The following SEZ6 variants were observed in gnomAD, a reference collection of about 807,000 sequenced individuals.
SEZ6 encodes the protein seizure related 6 homolog.
In SEZ6, 53 loss-of-function variants were observed where a neutral mutation model predicts 101.0. That is an observed-to-expected ratio of 0.52 (90% CI 0.42 to 0.66). SEZ6 has a LOEUF of 0.66. Among genes scored for constraint, SEZ6 ranks in the 30% least tolerant of loss-of-function variants. SEZ6 has a pLI of 0.00. For synonymous variants in SEZ6, 488 were observed against 512.2 expected (o/e 0.95, Z 0.64); for missense variants, 1,102 against 1,289.4 (o/e 0.85, Z 2.23).
At chr17:28,977,316 C>T (rs2041233823) in intron 3 of SEZ6, among the ~76,000 whole-genome samples, 1 of 152,240 alleles carries the variant, frequency 6.6e-6, no homozygotes, top group Non-Finnish European at 1.5e-5. Flanking sequence ...TGGGTGCTGA[C>T]CCCGCTCTGG....
intron 1 of SEZ6, among the ~76,000 whole-genome samples, chr17:29,001,221 G>A (rs1031260718): frequency 4.6e-5 from 7 of 152,300 alleles, no homozygotes; most frequent in Non-Finnish European, 7.4e-5. Context: ...CCATAGGCCC[G>A]CCTCCCCTTT....
chr17:29,000,275 T>C (rs969150579), intron 1 of SEZ6, among the ~76,000 whole-genome samples: 1 of 152,222 alleles, frequency 6.6e-6, no homozygotes, highest in African/African-American at 2.4e-5. Flanking sequence ...CCAGGTTTTG[T>C]GAAATGGGCA....
chr17:28,992,547 C>A (rs769128528), intron 1 of SEZ6, among the ~76,000 whole-genome samples: 1 of 152,220 alleles, frequency 6.6e-6, no homozygotes, highest in East Asian at 1.9e-4. Flanking sequence ...GGCCCTACCC[C>A]CCAAAAGAAG....
At chr17:28,975,617 T>G (rs1322890914) in intron 3 of SEZ6, among the ~76,000 whole-genome samples, 2 of 152,182 alleles carry the variant, frequency 1.3e-5, no homozygotes, top group Admixed American at 1.3e-4. Context: ...CACCCTGTCA[T>G]CCCTCTTGGA....
At position 28,955,049 on chromosome 17, in the gene SEZ6, C is replaced by G. The variant is rs35286200; in HGVS notation, c.*913G>C. 1 of 152,528 alleles carries G rather than the reference C, an allele frequency of 6.6e-6. No individual in the cohort carries two copies. Among genetic ancestry groups the G allele is most frequent in the African/African-American group, 2.4e-5 (1 of 41,352 alleles). 9.4% of individuals were successfully genotyped at this position (152,528 alleles called of 1,614,324 possible). A position where few individuals can be genotyped will look rare whatever the true frequency, so the allele number is the denominator to read the frequency against. ...TGGCTTTCAGCCAGCTCCTGGGCGTCTCCCTGGGGCTCTCCTACCACCTGT... is the reference window on the plus strand; with the variant it reads ...TGGCTTTCAGCCAGCTCCTGGGCGTGTCCCTGGGGCTCTCCTACCACCTGT... On this transcript the variant is annotated 3_prime_UTR_variant, in exon 17 of 17. Coordinates refer to ENST00000317338, the MANE Select transcript of SEZ6 (RefSeq NM_178860.5).
At position 28,969,806 on chromosome 17, in the gene SEZ6, C is replaced by T; in HGVS notation, c.1005G>A (p.Gln335=). ...SPTHQAALRF[Q]SLPPPAGPGT... The stretch of plus-strand genomic sequence containing the variant: ...CAGGGCCAGCCGGTGGCGGGAGGCT[C>T]TGGAACCTCAGGGCCGCTTGGTGGG... Residue 335 remains glutamine (Q), a synonymous_variant, in exon 4 of 17, where the codon CAG becomes CAA. Coordinates refer to ENST00000317338, the MANE Select transcript of SEZ6 (RefSeq NM_178860.5). 6.6e-7 allele frequency: 1 copy of T among 1,516,330 alleles called. No individual in the cohort carries two copies. The highest frequency in any genetic ancestry group is 1.3e-5 in the South Asian group (1 of 75,624). The allele number at this position is 1,516,330 out of a possible 1,614,324, so 93.9% of individuals were successfully genotyped here.
At position 28,981,620 on chromosome 17, in the gene SEZ6, G is replaced by A; in HGVS notation, c.475C>T (p.Pro159Ser). Residue 159 changes from proline to serine, a missense_variant, in exon 2 of 17, where the codon CCC (proline) becomes TCC (serine). Physicochemically the swap from Pro to Ser is moderately conservative, Grantham distance 74. This residue lies in a region of SEZ6 where 406 missense variants were observed against 418.6 expected (regional missense o/e 0.97). Coordinates refer to ENST00000317338, the MANE Select transcript of SEZ6 (RefSeq NM_178860.5). ...LRITAPLPPG[P>S]SMAVPTLGPG... The stretch of plus-strand genomic sequence containing the variant: ...CCTAGGGTGGGCACTGCCATGCTGG[G>A]CCCTGGAGGTAGGGGAGCTGTGATT... 1 of 1,592,108 alleles carries A rather than the reference G, an allele frequency of 6.3e-7. No individual in the cohort carries two copies. The highest frequency in any genetic ancestry group is 1.3e-5 in the African/African-American group (1 of 74,510).
chr17:28,959,133 T>C lies in SEZ6; in HGVS notation c.1999A>G (p.Ser667Gly). 6.2e-7 allele frequency: 1 copy of C among 1,613,922 alleles called. No individual in the cohort carries two copies. Among genetic ancestry groups the C allele is most frequent in the Non-Finnish European group, 8.5e-7 (1 of 1,179,852 alleles). ...ATGGAGGTAAAGAGCTTGAAGTGGC[T>C]ACGGGGCCCTGAGTACTGGCCCAGA... ...RVLGQYSGPRSHFKLFTSMAD... is the reference protein window; with the variant it reads ...RVLGQYSGPRGHFKLFTSMAD... Residue 667 changes from serine to glycine, a missense_variant, in exon 10 of 17, where the codon AGC becomes GGC. By Grantham distance (56) the Ser-to-Gly change is moderately conservative. Transcript: ENST00000317338. This position sits in a 1 kb window ranked among gnomAD's most constrained non-coding sequence, Gnocchi z 4.4.
rs372762794 is a variant in SEZ6, at chr17:28,970,073, C to T, written c.859-121G>A. On this transcript the variant is annotated intron_variant, in intron 3 of 16. Coordinates refer to ENST00000317338, the MANE Select transcript of SEZ6 (RefSeq NM_178860.5). ...TCAATCCTCAATGCTACTTGAGCATCGGAGCCCCCAGGCCCTGAGCTGGGC... is the reference window on the plus strand; with the variant it reads ...TCAATCCTCAATGCTACTTGAGCATTGGAGCCCCCAGGCCCTGAGCTGGGC... 403 of 890,988 alleles carry T rather than the reference C, an allele frequency of 4.5e-4. 2 individuals are homozygous for T. The African/African-American group carries it at 6.6e-3, about 15-fold the overall frequency. 55.2% of individuals were successfully genotyped at this position (890,988 alleles called of 1,614,324 possible). A position where few individuals can be genotyped will look rare whatever the true frequency, so the allele number is the denominator to read the frequency against.
At chr17:29,003,530 G>A (rs565922502) in intron 1 of SEZ6, among the ~76,000 whole-genome samples, 81 of 152,392 alleles carry the variant, frequency 5.3e-4, no homozygotes, top group Non-Finnish European at 8.7e-4. Flanking sequence ...CTGAAAGGCT[G>A]AGGGATGCAC....
chr17:28,960,281 C>T (rs2040954705), intron 7 of SEZ6: 1 of 634,654 alleles, frequency 1.6e-6, no homozygotes, highest in Admixed American at 2.9e-5. Flanking sequence ...TCCCTTGGAC[C>T]ATAGGGCCTG....
chr17:29,005,721 G>C lies in SEZ6; in HGVS notation c.55+94C>G. 7.6e-7 allele frequency: 1 copy of C among 1,308,988 alleles called. No individual in the cohort carries two copies. The highest frequency in any genetic ancestry group is 1.0e-6 in the Non-Finnish European group (1 of 982,716). The allele number at this position is 1,308,988 out of a possible 1,614,324, so 81.1% of individuals were successfully genotyped here. On this transcript the variant is annotated intron_variant, in intron 1 of 16. Transcript: ENST00000317338. The surrounding 1 kb of genome is among the most constrained non-coding windows in gnomAD (Gnocchi z 4.8). ...CGGGGCGCGGTGCTTGGACTGGGCA[G>C]CCAGATGCCCGAAGCTGGGCACCGG...
chr17:28,972,802 A>T (rs916763490), intron 3 of SEZ6, among the ~76,000 whole-genome samples: 1 of 152,212 alleles, frequency 6.6e-6, no homozygotes, highest in Non-Finnish European at 1.5e-5. Flanking sequence ...GAATGCAGGC[A>T]GCAGGAATCC....
intron 3 of SEZ6, among the ~76,000 whole-genome samples, chr17:28,972,420 G>T (rs1221278021): frequency 6.6e-6 from 1 of 152,172 alleles, no homozygotes; most frequent in African/African-American, 2.4e-5. Flanking sequence ...CCCTCAGACT[G>T]GGTGCTGAGA....
In SEZ6 at chr17:28,959,614, C is replaced by T. The variant is rs912655729; in HGVS notation, c.1771+84G>A. Reference sequence around the variant, plus strand: ...GCCTGAACCACGCATATCACAGGGCCCCTGTGGCCCCGGGCTCTGCTGCTA... The same window carrying T: ...GCCTGAACCACGCATATCACAGGGCTCCTGTGGCCCCGGGCTCTGCTGCTA... On this transcript the variant is annotated intron_variant, in intron 8 of 16. Transcript: ENST00000317338. This position sits in a 1 kb window ranked among gnomAD's most constrained non-coding sequence, Gnocchi z 4.4. 9.1e-6 allele frequency: 14 copies of T among 1,531,030 alleles called. No homozygotes were observed. The highest frequency in any genetic ancestry group is 2.4e-4 in the Middle Eastern group (1 of 4,216). The allele number at this position is 1,531,030 out of a possible 1,614,324, so 94.8% of individuals were successfully genotyped here.
chr17:28,957,072 T>G lies in SEZ6; in HGVS notation c.2665A>C (p.Ser889Arg). The change falls in exon 13 of 17, where the codon AGT becomes CGT. Residue 889 changes from serine to arginine, a missense_variant. By Grantham distance (110) the Ser-to-Arg change is moderately radical (BLOSUM62 -1). Transcript: ENST00000317338. Reference protein sequence around the residue: ...KCVPGHPSHWSDPPPICRAAS... With the variant: ...KCVPGHPSHWRDPPPICRAAS... ...GCCCTACAGATGGGTGGGGGGTCAC[T>G]CCAATGCGAGGGGTGCCCAGGCACA... The G allele has an allele frequency of 1.9e-6, 3 of 1,605,112 alleles. No homozygotes were observed. Among genetic ancestry groups the G allele is most frequent in the Non-Finnish European group, 2.6e-6 (3 of 1,174,072 alleles).
At chr17:29,003,516 G>A (rs1029816148) in intron 1 of SEZ6, among the ~76,000 whole-genome samples, 13 of 152,242 alleles carry the variant, frequency 8.5e-5, no homozygotes, top group African/African-American at 1.2e-4. Context: ...GAGAGGTGGC[G>A]GGGCTGAAAG....
chr17:28,979,532 T>G, intron 3 of SEZ6, 148 bp downstream of exon 3: 1 of 1,196,114 alleles, frequency 8.4e-7, no homozygotes, highest in Non-Finnish European at 1.2e-6. Flanking sequence ...AATCTAACCA[T>G]TTAGGCCCAT....
At chr17:28,989,860 G>A (rs1442707389) in intron 1 of SEZ6, among the ~76,000 whole-genome samples, 1 of 152,168 alleles carries the variant, frequency 6.6e-6, no homozygotes, top group Non-Finnish European at 1.5e-5. Context: ...CTGAGGTCAG[G>A]AGTTCGAGAC....
Sources: gnomAD v4.1 joint callset for allele counts (sites outside exome capture counted in the v4.1 genomes callset) on GRCh38, gnomAD v4.1.1 for gene constraint, gnomAD v4.1.1 regional missense constraint, Gnocchi (gnomAD v3.1) non-coding constraint, MANE v1.5 for transcripts, NCBI Gene and HGNC (gene_info 2026-07-23, HGNC 2026-07-21) for gene names.